The following THSD7A variants were observed in gnomAD, a reference collection of about 807,000 sequenced individuals.
THSD7A encodes the protein thrombospondin type-1 domain-containing protein 7A.
In THSD7A, 96 loss-of-function variants were observed where a neutral mutation model predicts 231.3. The observed-to-expected ratio is 0.41, with a 90% CI of 0.35 to 0.49. The LOEUF (loss-of-function observed/expected upper bound fraction) is 0.49. Among genes scored for constraint, THSD7A ranks in the 20% least tolerant of loss-of-function variants. The probability of loss-of-function intolerance (pLI) is 0.05; values close to 1 mark genes in which losing one functional copy is unlikely to be tolerated. For missense variants in THSD7A, 2,290 were observed against 2,070.2 expected, an observed-to-expected ratio of 1.11 and a Z score of -2.06; for synonymous variants, 940 against 743.3, an observed-to-expected ratio of 1.26 and a Z score of -4.30.
chr7:11,768,603 G>A (rs1173421250), intron 1 of THSD7A, among the ~76,000 whole-genome samples: 3 of 152,112 alleles, frequency 2.0e-5, no homozygotes, highest in African/African-American at 7.2e-5. Context: ...CCATGTGATT[G>A]TGAACTCAGG....
chr7:11,378,223 ACTATGCCTGGCTCTGC>A, intron 26 of THSD7A: 1 of 152,272 alleles, frequency 6.6e-6, no homozygotes, highest in East Asian at 1.9e-4. Flanking sequence ...TTTAAAGTAG[ACTATGCCTGGCTCTGC>A]CTGGAGATTA....
intron 1 of THSD7A, among the ~76,000 whole-genome samples, chr7:11,817,972 A>G (rs144567283): frequency 2.1e-4 from 32 of 152,294 alleles, no homozygotes; most frequent in African/African-American, 5.1e-4. Context: ...TATGCATTCA[A>G]TTCTTTGCAA....
intron 1 of THSD7A, among the ~76,000 whole-genome samples, chr7:11,824,250 C>T (rs186165545): frequency 6.6e-6 from 1 of 152,150 alleles, no homozygotes; most frequent in African/African-American, 2.4e-5. Flanking sequence ...TACATTAATT[C>T]TAAGGGATCC....
At chr7:11,414,972 G>A (rs1783911933) in intron 17 of THSD7A, among the ~76,000 whole-genome samples, 1 of 152,192 alleles carries the variant, frequency 6.6e-6, no homozygotes, top group Admixed American at 6.5e-5. Flanking sequence ...AAGAAACAAT[G>A]TGAGTTAAAG....
At chr7:11,545,755 G>T (rs1789353390) in intron 4 of THSD7A, among the ~76,000 whole-genome samples, 1 of 152,200 alleles carries the variant, frequency 6.6e-6, no homozygotes, top group African/African-American at 2.4e-5. Context: ...GAGCTTATTG[G>T]AGAGTTATCA....
At chr7:11,684,501 T>C (rs1779961542) in intron 1 of THSD7A, among the ~76,000 whole-genome samples, 1 of 151,754 alleles carries the variant, frequency 6.6e-6, no homozygotes, top group South Asian at 2.1e-4. Context: ...GATTCCACTG[T>C]AAGGCTCCTA....
At chr7:11,420,617 C>T (rs1012360019) in intron 16 of THSD7A, among the ~76,000 whole-genome samples, 2 of 152,204 alleles carry the variant, frequency 1.3e-5, no homozygotes, top group East Asian at 1.9e-4. Context: ...TGGGCCCCCC[C>T]ACACAGAGTC....
At chr7:11,519,073 C>T (rs1788153955) in intron 6 of THSD7A, among the ~76,000 whole-genome samples, 2 of 152,050 alleles carry the variant, frequency 1.3e-5, no homozygotes, top group African/African-American at 4.8e-5. Context: ...TTTCCATTTT[C>T]TAGATAAATG....
intron 1 of THSD7A, among the ~76,000 whole-genome samples, chr7:11,704,843 G>A (rs530513343): frequency 5.3e-5 from 8 of 150,950 alleles, no homozygotes; most frequent in Non-Finnish European, 1.2e-4. Flanking sequence ...AAGTTGTGTG[G>A]TGGTTTGAGA....
chr7:11,719,064 G>A lies in THSD7A; in HGVS notation c.191-82103C>T, dbSNP rs530399851. Among the ~76,000 whole-genome samples, 4 of 151,628 alleles carry A rather than the reference G, an allele frequency of 2.6e-5. No individual in the cohort carries two copies. In the South Asian group the frequency reaches 6.2e-4, roughly 24 times the overall value. On this transcript the variant is annotated intron_variant, in intron 1 of 27. Transcript: ENST00000423059. The stretch of plus-strand genomic sequence containing the variant: ...TATAAGCAATATCGTGTGTGTGTGT[G>A]TATGCGCTCATGTGTGTTTTTCTTA...
At chr7:11,450,488 A>C (rs973282226) in intron 11 of THSD7A, among the ~76,000 whole-genome samples, 1 of 152,044 alleles carries the variant, frequency 6.6e-6, no homozygotes, top group Non-Finnish European at 1.5e-5. Context: ...TTTATCCTAC[A>C]TCTCAACTTG....
chr7:11,416,707 T>C (rs932576366), intron 17 of THSD7A, among the ~76,000 whole-genome samples: 1 of 152,226 alleles, frequency 6.6e-6, no homozygotes, highest in South Asian at 2.1e-4. Flanking sequence ...CTCATGCTTT[T>C]GATGCTGTTT....
At chr7:11,809,977 C>T (rs1298720370) in intron 1 of THSD7A, among the ~76,000 whole-genome samples, 1 of 152,014 alleles carries the variant, frequency 6.6e-6, no homozygotes, top group Non-Finnish European at 1.5e-5. Context: ...ACCATTTGGT[C>T]AAATGGCATG....
At chr7:11,633,317 A>C (rs1052753089) in intron 2 of THSD7A, among the ~76,000 whole-genome samples, 1 of 152,152 alleles carries the variant, frequency 6.6e-6, no homozygotes, top group Admixed American at 6.5e-5. Context: ...GTGTATGTGT[A>C]GTGATTTAGA....
chr7:11,606,353 C>T (rs2681055), intron 2 of THSD7A, among the ~76,000 whole-genome samples: 42,198 of 151,916 alleles, frequency 0.28, 6,089 homozygotes, highest in South Asian at 0.33. Flanking sequence ...ACCCTTTGCC[C>T]CAGATAGCTT....
chr7:11,787,815 T>C (rs765839436), intron 1 of THSD7A, among the ~76,000 whole-genome samples: 2 of 152,042 alleles, frequency 1.3e-5, no homozygotes, highest in Non-Finnish European at 2.9e-5. Context: ...TGCAATACGG[T>C]ACAGGCACTC....
At position 11,769,122 on chromosome 7, in the gene THSD7A, A is replaced by ATATATATATATATAT. The variant is rs1491347103; in HGVS notation, c.190+62634_190+62635insATATATATATATATA. 3.7e-3 allele frequency among the ~76,000 whole-genome samples: 134 copies of ATATATATATATATAT among 35,878 alleles called. 28 individuals are homozygous for ATATATATATATATAT. Among genetic ancestry groups the ATATATATATATATAT allele is most frequent in the East Asian group, 4.3e-3 (7 of 1,610 alleles). 23.5% of individuals were successfully genotyped at this position (35,878 alleles called of 152,430 possible). A position where few individuals can be genotyped will look rare whatever the true frequency, so the allele number is the denominator to read the frequency against. ...ACAGGCACCTGCCATAATTCCTGGC[A>ATATATATATATATAT]ATATATATATATATATATATATATA... On this transcript the variant is annotated intron_variant, in intron 1 of 27. Transcript: ENST00000423059.
chr7:11,793,762 A>T (rs1784035767), intron 1 of THSD7A, among the ~76,000 whole-genome samples: 1 of 151,950 alleles, frequency 6.6e-6, no homozygotes, highest in Non-Finnish European at 1.5e-5. Context: ...TTAAAAATTT[A>T]CCAAACGAAA....
chr7:11,718,264 A>G (rs184437147), intron 1 of THSD7A, among the ~76,000 whole-genome samples: 2 of 151,738 alleles, frequency 1.3e-5, no homozygotes, highest in Admixed American at 1.3e-4. Context: ...TAATAAAGGG[A>G]AGCTCTAAAC....
Sources: allele counts gnomAD v4.1 joint callset (sites outside exome capture counted in the v4.1 genomes callset), GRCh38; gene constraint gnomAD v4.1.1; transcripts MANE v1.5; gene names NCBI Gene and HGNC (gene_info 2026-07-23, HGNC 2026-07-21).